Variants in TLCD3A observed in about 807,000 individuals in gnomAD.
TLCD3A encodes TLC domain containing 3A.
A neutral mutation model predicts 29.9 loss-of-function variants in TLCD3A; 17 were observed. That is an observed-to-expected ratio of 0.57 (90% CI 0.39 to 0.85). The LOEUF is 0.85. Among genes scored for constraint, TLCD3A ranks in the 40% least tolerant of loss-of-function variants. TLCD3A has a pLI of 0.00. For synonymous variants in TLCD3A, 143 were observed against 147.7 expected, an observed-to-expected ratio of 0.97 and a Z score of 0.23; for missense variants, 332 against 350.8, an observed-to-expected ratio of 0.95 and a Z score of 0.43.
intron 3 of TLCD3A, 49 bp downstream of exon 3, chr17:738,096 CTTTTT>C (rs371294933): frequency 7.0e-5 from 35 of 501,774 alleles, no homozygotes; most frequent in East Asian, 1.1e-4. Flanking sequence ...AGCTGGGTGT[CTTTTT>C]TTTTTTTTTT....
At chr17:732,885 T>A (rs1974093035) in intron 1 of TLCD3A, 116 bp downstream of exon 1, 1 of 1,372,094 alleles carries the variant, frequency 7.3e-7, no homozygotes, top group Admixed American at 3.7e-5. Context: ...GGCTGCTCCC[T>A]CCGCGTCCCG....
At chr17:732,992 C>T (rs1409968470) in intron 1 of TLCD3A, 106 bp from the exon 2 acceptor site, 5 of 1,445,998 alleles carry the variant, frequency 3.5e-6, no homozygotes, top group African/African-American at 1.4e-5. Flanking sequence ...GCCCGCTCCC[C>T]ACATCTGCCT....
chr17:738,863 G>A (rs377747693), intron 3 of TLCD3A, among the ~76,000 whole-genome samples: 2 of 152,222 alleles, frequency 1.3e-5, no homozygotes, highest in Admixed American at 6.5e-5. Flanking sequence ...CACTGCACCC[G>A]GCCCCAACAT....
In TLCD3A at chr17:740,604, T is replaced by C; in HGVS notation, c.504+4T>C. ...GCTGGGCAGGGTTCTGATTCAGGCA[T>C]GTATGAATGAAATGACAGAGAGTGT... On this transcript the variant is annotated splice_donor_region_variant and intron_variant, in intron 4 of 4. Transcript: ENST00000308278. 1.9e-6 allele frequency: 3 copies of C among 1,609,714 alleles called. No individual in the cohort carries two copies. The highest frequency in any genetic ancestry group is 2.5e-6 in the Non-Finnish European group (3 of 1,176,494).
intron 2 of TLCD3A, among the ~76,000 whole-genome samples, chr17:735,302 G>A (rs1361746956): frequency 6.6e-6 from 1 of 152,200 alleles, no homozygotes; most frequent in Non-Finnish European, 1.5e-5. Flanking sequence ...ATGAGCCACC[G>A]TGCCCGGCCG....
At chr17:732,850 A>G in intron 1 of TLCD3A, 81 bp downstream of exon 1, 1 of 1,367,508 alleles carries the variant, frequency 7.3e-7, no homozygotes, top group Non-Finnish European at 9.4e-7. Context: ...CCAGGGCGGA[A>G]AAGGGGGGCG....
chr17:739,381 G>A (rs966532784), intron 3 of TLCD3A, among the ~76,000 whole-genome samples: 1 of 152,060 alleles, frequency 6.6e-6, no homozygotes, highest in African/African-American at 2.4e-5. Flanking sequence ...TAGAGACGGG[G>A]TTTCACCATA....
intron 2 of TLCD3A, among the ~76,000 whole-genome samples, chr17:737,113 G>A (rs1198279209): frequency 1.3e-5 from 2 of 150,658 alleles, no homozygotes; most frequent in African/African-American, 2.4e-5. Context: ...CCGGGTTCAA[G>A]TGATTCTCCT....
rs965248805 is a variant in TLCD3A at position 732,698 on chromosome 17, G to A, written c.51G>A (p.Ala17=). The A allele has an allele frequency of 7.0e-7, 1 of 1,430,238 alleles. No individual in the cohort carries two copies. The highest frequency in any genetic ancestry group is 1.5e-5 in the African/African-American group (1 of 67,556). 88.6% of individuals were successfully genotyped at this position (1,430,238 alleles called of 1,614,324 possible). A position where few individuals can be genotyped will look rare whatever the true frequency, so the allele number is the denominator to read the frequency against. Residue 17 remains alanine, a synonymous_variant, in exon 1 of 5, where the codon GCG becomes GCA. Coordinates refer to ENST00000308278, the MANE Select transcript of TLCD3A (RefSeq NM_024792.3). The part of the protein sequence containing the change: ...GGALFFPGLF[A]LCTWALRRSQ... ...CGCTCTTCTTCCCGGGGCTCTTCGCGCTCTGCACCTGGGCGCTGCGCCGCT... is the reference window on the plus strand; with the variant it reads ...CGCTCTTCTTCCCGGGGCTCTTCGCACTCTGCACCTGGGCGCTGCGCCGCT...
chr17:732,596 G>C lies in TLCD3A; in HGVS notation c.-52G>C. On this transcript the variant is annotated 5_prime_UTR_variant, in exon 1 of 5. Coordinates refer to ENST00000308278, the MANE Select transcript of TLCD3A (RefSeq NM_024792.3). Reference sequence around the variant, plus strand: ...TCGCGCGGCCGGGCCGGGGCGCGCCGAGCCGAACCCAGCCACGCGGCGCCA... The same window carrying C: ...TCGCGCGGCCGGGCCGGGGCGCGCCCAGCCGAACCCAGCCACGCGGCGCCA... 3 of 1,166,440 alleles carry C rather than the reference G, an allele frequency of 2.6e-6. No individual in the cohort carries two copies. Among genetic ancestry groups the C allele is most frequent in the East Asian group, 3.8e-5 (1 of 26,274 alleles). 72.3% of individuals were successfully genotyped at this position (1,166,440 alleles called of 1,614,324 possible). A position where few individuals can be genotyped will look rare whatever the true frequency, so the allele number is the denominator to read the frequency against.
rs1597540375 is a variant in TLCD3A, at chr17:733,141, A to G, written c.166A>G (p.Ile56Val). The change falls in exon 2 of 5, where the codon ATC (isoleucine) becomes GTC (valine). Residue 56 changes from isoleucine to valine, a missense_variant. Physicochemically the swap from Ile to Val is conservative, Grantham distance 29. Transcript: ENST00000308278. The part of the protein sequence containing the change: ...VHAVLATGSG[I>V]VIIRSCDDVI... ...CGCCGTGCTGGCCACCGGCTCGGGG[A>G]TCGTCATCATTCGCTCCTGCGACGA... 1 of 1,584,872 alleles carries G rather than the reference A, an allele frequency of 6.3e-7. No individual in the cohort carries two copies. Among genetic ancestry groups the G allele is most frequent in the Non-Finnish European group, 8.6e-7 (1 of 1,167,528 alleles).
At chr17:733,010 G>A in intron 1 of TLCD3A, 88 bp from the exon 2 acceptor site, 1 of 1,471,688 alleles carries the variant, frequency 6.8e-7, no homozygotes, top group Non-Finnish European at 9.2e-7. Flanking sequence ...CCTGCGGCTG[G>A]GGAGAGTCAG....
chr17:736,854 C>A (rs146463532), intron 2 of TLCD3A, among the ~76,000 whole-genome samples: 2,104 of 151,796 alleles, frequency 0.014, 55 homozygotes, highest in African/African-American at 0.047. Flanking sequence ...CGGGGTTTCA[C>A]AATGTTGATA....
chr17:733,059 C>T, intron 1 of TLCD3A, 39 bp from the exon 2 acceptor site: 1 of 1,540,084 alleles, frequency 6.5e-7, no homozygotes, highest in Non-Finnish European at 8.8e-7. Flanking sequence ...GTCCTCGGAC[C>T]GGACTGAGCG....
intron 4 of TLCD3A, 102 bp from the exon 5 acceptor site, chr17:741,199 C>T: frequency 4.9e-6 from 6 of 1,226,490 alleles, no homozygotes; most frequent in Non-Finnish European, 5.8e-6. Flanking sequence ...TTGATGAGCA[C>T]CTGCACCTGT....
intron 4 of TLCD3A, 116 bp downstream of exon 4, chr17:740,716 A>T (rs1036184163): frequency 3.2e-6 from 3 of 950,766 alleles, no homozygotes; most frequent in South Asian, 1.6e-5. Context: ...TGGCAGAGAG[A>T]GTGAAGGTTC....
rs560344777 is a variant in TLCD3A, at chr17:742,069, C to T, written c.*499C>T. The T allele has an allele frequency of 9.6e-5, 16 of 167,248 alleles. No individual in the cohort carries two copies. Among genetic ancestry groups the T allele is most frequent in the East Asian group, 1.8e-4 (1 of 5,624 alleles). 10.4% of individuals were successfully genotyped at this position (167,248 alleles called of 1,614,324 possible). The stretch of plus-strand genomic sequence containing the variant: ...TCATTGTGGGTAGGTAGTTATTGAT[C>T]GTTTACTAGATAACCCATTGGTTCT... On this transcript the variant is annotated 3_prime_UTR_variant, in exon 5 of 5. Transcript: ENST00000308278.
rs188619077 is a variant in TLCD3A, at chr17:738,064, C to T, written c.408+17C>T. The T allele has an allele frequency of 2.9e-6, 4 of 1,364,936 alleles. No homozygotes were observed. In the African/African-American group the frequency reaches 4.4e-5, roughly 15 times the overall value. 84.6% of individuals were successfully genotyped at this position (1,364,936 alleles called of 1,614,324 possible). On this transcript the variant is annotated intron_variant, in intron 3 of 4. Transcript: ENST00000308278. ...GTCGCACAGGTATGGCCTTCCAGGA[C>T]AGCAGACCAGCAGCTGGGTTGAGCT... is the stretch of plus-strand genomic sequence containing the variant.
Position 737,177 on chromosome 17 carries a change from A to C in TLCD3A, c.207-669A>C, listed in dbSNP as rs182356597. On this transcript the variant is annotated intron_variant, in intron 2 of 4. Transcript: ENST00000308278. ...CAGGTGTGCGCCACCACATCTGACTAATTTTTGTATTTTTAGTAGAGACGG... is the reference window on the plus strand; with the variant it reads ...CAGGTGTGCGCCACCACATCTGACTCATTTTTGTATTTTTAGTAGAGACGG... Among the ~76,000 whole-genome samples the C allele has an allele frequency of 9.6e-4, 146 of 151,746 alleles. 2 individuals carry two copies. The highest frequency in any genetic ancestry group is 3.5e-3 in the African/African-American group (143 of 41,330).
Sources: gnomAD v4.1 joint callset for allele counts (sites outside exome capture counted in the v4.1 genomes callset) on GRCh38, gnomAD v4.1.1 for gene constraint, MANE v1.5 for transcripts, NCBI Gene and HGNC (gene_info 2026-07-23, HGNC 2026-07-21) for gene names.